The following PPM1B variants were observed in gnomAD, a reference collection of about 807,000 sequenced individuals.
PPM1B encodes protein phosphatase 1B.
In PPM1B, 22 loss-of-function variants were observed where a neutral mutation model predicts 43.0. The observed-to-expected ratio is 0.51, with a 90% CI of 0.37 to 0.73. PPM1B has a LOEUF of 0.73. Ranked by LOEUF, PPM1B falls within the 30% of genes least tolerant of loss-of-function variation. The pLI is 0.00. For synonymous variants in PPM1B, 217 were observed against 197.9 expected (o/e 1.10, Z -0.81); for missense variants, 632 against 584.2 (o/e 1.08, Z -0.84).
At position 44,230,730 on chromosome 2, in the gene PPM1B, G is replaced by T; in HGVS notation, c.*12G>T. ...GTGAAAAAATATGACTTTCCTTTTT[G>T]GTAATATTTTTGTGATCTTTGATGG... On this transcript the variant is annotated 3_prime_UTR_variant, in exon 6 of 6. Coordinates refer to ENST00000282412, the MANE Select transcript of PPM1B (RefSeq NM_002706.6). 6.3e-7 allele frequency: 1 copy of T among 1,598,576 alleles called. No homozygotes were observed. The highest frequency in any genetic ancestry group is 8.5e-7 in the Non-Finnish European group (1 of 1,169,674).
intron 5 of PPM1B, among the ~76,000 whole-genome samples, chr2:44,241,679 C>G (rs1670747285): frequency 8.9e-6 from 1 of 112,970 alleles, no homozygotes; most frequent in Admixed American, 8.4e-5. Flanking sequence ...CTTCAGTGAG[C>G]TGAGATCATG....
At chr2:44,226,952 A>AT (rs1200339731) in intron 5 of PPM1B, among the ~76,000 whole-genome samples, 1 of 139,418 alleles carries the variant, frequency 7.2e-6, no homozygotes, top group Non-Finnish European at 1.6e-5. Context: ...TTATTTATTT[A>AT]TTTATTTATT....
chr2:44,227,518 CTTT>C (rs397964846), intron 5 of PPM1B, among the ~76,000 whole-genome samples: 4 of 138,956 alleles, frequency 2.9e-5, no homozygotes, highest in Admixed American at 7.2e-5. Flanking sequence ...ACAGTATCAT[CTTT>C]TTTTTTTTTT....
intron 5 of PPM1B, among the ~76,000 whole-genome samples, chr2:44,220,799 A>T (rs552093562): frequency 1.3e-5 from 2 of 152,354 alleles, no homozygotes; most frequent in East Asian, 3.9e-4. Context: ...GCAGGGGGAA[A>T]GTCAGCTTCT....
At chr2:44,231,631 T>C (rs911577882), downstream of PPM1B, among the ~76,000 whole-genome samples, 2 of 152,168 alleles carry the variant, frequency 1.3e-5, no homozygotes, top group Non-Finnish European at 2.9e-5. Flanking sequence ...AATATTAAAA[T>C]ATATGTGTTG....
At chr2:44,212,496 C>G (rs1409319742) in intron 3 of PPM1B, among the ~76,000 whole-genome samples, 1 of 152,162 alleles carries the variant, frequency 6.6e-6, no homozygotes, top group Non-Finnish European at 1.5e-5. Context: ...ATTTGTTTTG[C>G]TTAGCTAAGC....
intron 1 of PPM1B, among the ~76,000 whole-genome samples, chr2:44,170,717 GAC>G (rs1667295717): frequency 6.6e-6 from 1 of 152,208 alleles, no homozygotes; most frequent in African/African-American, 2.4e-5. Flanking sequence ...TAAATAGTGA[GAC>G]AAGTTATTCT....
chr2:44,239,432 TTTTTC>T (rs201860137), downstream of PPM1B, among the ~76,000 whole-genome samples: 1 of 151,530 alleles, frequency 6.6e-6, no homozygotes. Flanking sequence ...TCTCAGACTG[TTTTTC>T]TTTTTTTCTT....
At chr2:44,217,199 A>C (rs1173066530) in intron 3 of PPM1B, among the ~76,000 whole-genome samples, 1 of 152,076 alleles carries the variant, frequency 6.6e-6, no homozygotes, top group Non-Finnish European at 1.5e-5. Context: ...TGGGAGTTTG[A>C]GATCAGCCTG....
chr2:44,182,445 G>C (rs1047504495), intron 1 of PPM1B, among the ~76,000 whole-genome samples: 6 of 152,076 alleles, frequency 3.9e-5, no homozygotes, highest in Admixed American at 3.3e-4. Context: ...ATTTTTAGTA[G>C]AGATGGGGTT....
chr2:44,189,171 C>T lies in PPM1B; in HGVS notation c.-14-12015C>T, dbSNP rs576754461. Among the ~76,000 whole-genome samples, 147 of 152,220 alleles carry T rather than the reference C, an allele frequency of 9.7e-4. 1 individual carries two copies. Among genetic ancestry groups the T allele is most frequent in the Non-Finnish European group, 1.5e-3 (102 of 68,002 alleles). On this transcript the variant is annotated intron_variant, in intron 1 of 5. Coordinates refer to ENST00000282412, the MANE Select transcript of PPM1B (RefSeq NM_002706.6). Reference sequence around the variant, plus strand: ...ACAGGTGTGAGCCACCATGCCCAGCCAGCTGCCTTTGTTTCTTCACATGCC... The same window carrying T: ...ACAGGTGTGAGCCACCATGCCCAGCTAGCTGCCTTTGTTTCTTCACATGCC...
At chr2:44,206,771 G>T (rs1167507965) in intron 2 of PPM1B, among the ~76,000 whole-genome samples, 1 of 151,886 alleles carries the variant, frequency 6.6e-6, no homozygotes, top group Non-Finnish European at 1.5e-5. Context: ...TGTGTTGCCC[G>T]GGCTAGTCTC....
chr2:44,211,097 CTG>C (rs1669444035), intron 3 of PPM1B, among the ~76,000 whole-genome samples: 1 of 152,086 alleles, frequency 6.6e-6, no homozygotes, highest in Admixed American at 6.6e-5. Context: ...GATCATGCCA[CTG>C]TACTCTAGCC....
downstream of PPM1B, chr2:44,232,205 G>T: frequency 1.4e-6 from 2 of 1,467,686 alleles, no homozygotes; most frequent in South Asian, 2.6e-5. Flanking sequence ...ACCCTTTTCA[G>T]ACAAAGAAAG....
At chr2:44,205,354 G>GGTGTGTGTGTTGGGGTGTGTGTGTGTGT (rs1553333036) in intron 2 of PPM1B, among the ~76,000 whole-genome samples, 1 of 91,720 alleles carries the variant, frequency 1.1e-5, no homozygotes, top group Non-Finnish European at 2.6e-5. Flanking sequence ...TGTGGGTGTG[G>GGTGTGTGTGTTGGGGTGTGTGTGTGTGT]GTGTGTGTGT....
intron 2 of PPM1B, among the ~76,000 whole-genome samples, chr2:44,206,033 C>A (rs1012238535): frequency 6.6e-6 from 1 of 152,104 alleles, no homozygotes; most frequent in Non-Finnish European, 1.5e-5. Flanking sequence ...CAAAAACAAA[C>A]AAAAAACTGT....
chr2:44,178,272 A>G (rs1290830674), intron 1 of PPM1B, among the ~76,000 whole-genome samples: 2 of 151,522 alleles, frequency 1.3e-5, no homozygotes, highest in Non-Finnish European at 2.9e-5. Flanking sequence ...TATTTTTGTA[A>G]TTTTAATCAA....
At chr2:44,205,354 G>GGTGTGTGTGTCGGGGTGTGTTTGTGTGT (rs1553333036) in intron 2 of PPM1B, among the ~76,000 whole-genome samples, 1 of 91,720 alleles carries the variant, frequency 1.1e-5, no homozygotes, top group East Asian at 3.4e-4. Flanking sequence ...TGTGGGTGTG[G>GGTGTGTGTGTCGGGGTGTGTTTGTGTGT]GTGTGTGTGT....
rs1298163344 is a variant in PPM1B, at chr2:44,205,346, TGG to T, written c.846+3303_846+3304del. 4.9e-4 allele frequency among the ~76,000 whole-genome samples: 71 copies of T among 146,042 alleles called. No homozygotes were observed. The East Asian group carries it at 7.4e-3, about 15-fold the overall frequency. On this transcript the variant is annotated intron_variant, in intron 2 of 5. Transcript: ENST00000282412. Reference sequence around the variant, plus strand: ...AAATAAAGAAGAGTGGGTGTGGGTGTGGGTGTGGGTGTGTGTGTGTGTGTGTG... The same window carrying T: ...AAATAAAGAAGAGTGGGTGTGGGTGTGTGTGGGTGTGTGTGTGTGTGTGTG...
Sources: gnomAD v4.1 joint callset for allele counts (sites outside exome capture counted in the v4.1 genomes callset) on GRCh38, gnomAD v4.1.1 for gene constraint, MANE v1.5 for transcripts, NCBI Gene and HGNC (gene_info 2026-07-23, HGNC 2026-07-21) for gene names.